The following CTDSPL2 variants were observed in gnomAD, a reference collection of about 807,000 sequenced individuals.
CTDSPL2 encodes the protein CTD small phosphatase like 2, also known as CTD small phosphatase-like protein 2.
CTDSPL2 carries 5 observed loss-of-function variants against 60.0 expected under a neutral mutation model. The observed-to-expected ratio is 0.08, with a 90% confidence interval of 0.04 to 0.18. The LOEUF is 0.18. Among genes scored for constraint, CTDSPL2 ranks in the 10% least tolerant of loss-of-function variants. The pLI is 1.00. For synonymous variants in CTDSPL2, 186 were observed against 189.3 expected (o/e 0.98, Z 0.14); for missense variants, 370 against 548.8 (o/e 0.67, Z 3.26).
chr15:44,472,826 A>G (rs1230964371), intron 2 of CTDSPL2, among the ~76,000 whole-genome samples: 2 of 152,202 alleles, frequency 1.3e-5, no homozygotes, highest in African/African-American at 4.8e-5. Flanking sequence ...ACCAAGTCCA[A>G]CTAATTTTTT....
intron 1 of CTDSPL2, among the ~76,000 whole-genome samples, chr15:44,431,716 G>GTTT (rs886785067): frequency 3.0e-5 from 4 of 133,660 alleles, no homozygotes; most frequent in Admixed American, 2.2e-4. Context: ...TTGTTTGTTT[G>GTTT]TTTTTTTTTT....
chr15:44,514,154 T>G (rs1368491171), intron 8 of CTDSPL2, among the ~76,000 whole-genome samples: 1 of 152,196 alleles, frequency 6.6e-6, no homozygotes, highest in Non-Finnish European at 1.5e-5. Flanking sequence ...ATAGAGATAT[T>G]TTTAGCAGGT....
intron 1 of CTDSPL2, chr15:44,449,075 T>C: frequency 3.1e-6 from 1 of 323,230 alleles, no homozygotes; most frequent in South Asian, 3.1e-5. Context: ...TTCCAAGTCT[T>C]TCTGTCTGTA....
At chr15:44,472,060 G>T (rs1011544378) in intron 2 of CTDSPL2, among the ~76,000 whole-genome samples, 1 of 150,794 alleles carries the variant, frequency 6.6e-6, no homozygotes, top group Admixed American at 6.6e-5. Flanking sequence ...GTAATATTCT[G>T]TTGTATGGAT....
In CTDSPL2 at chr15:44,490,785, A is replaced by T. The variant is rs934826593; in HGVS notation, c.477A>T (p.Gly159=). Residue 159 remains glycine (G), a splice_region_variant and synonymous_variant, in exon 5 of 13, where the codon GGA becomes GGT. Coordinates refer to ENST00000260327, the MANE Select transcript of CTDSPL2 (RefSeq NM_016396.3). The stretch of plus-strand genomic sequence containing the variant: ...TAGTACACTGAATCATGATTTCAGG[A>T]ACGTCAGGATCAGATTCTCCAGGAC... ...FNFFSPANKN[G]TSGSDSPGQA... The T allele has an allele frequency of 6.2e-7, 1 of 1,611,762 alleles. No individual in the cohort carries two copies. Among genetic ancestry groups the T allele is most frequent in the African/African-American group, 1.3e-5 (1 of 74,872 alleles).
chr15:44,515,869 A>G (rs1207246272), intron 10 of CTDSPL2, among the ~76,000 whole-genome samples: 2 of 151,842 alleles, frequency 1.3e-5, no homozygotes, highest in Non-Finnish European at 2.9e-5. Flanking sequence ...GCAAAACTCC[A>G]TCTCAAAAAA....
At chr15:44,475,530 T>G (rs1214381379) in intron 2 of CTDSPL2, among the ~76,000 whole-genome samples, 2 of 151,658 alleles carry the variant, frequency 1.3e-5, no homozygotes, top group African/African-American at 4.8e-5. Context: ...TCCCAGCTAC[T>G]CGGGAGGCTG....
chr15:44,470,170 T>G, intron 2 of CTDSPL2, among the ~76,000 whole-genome samples: 1 of 151,870 alleles, frequency 6.6e-6, no homozygotes, highest in Non-Finnish European at 1.5e-5. Flanking sequence ...CTTGTTTTAT[T>G]GGTTATTAAG....
chr15:44,469,039 C>G (rs918103790), intron 2 of CTDSPL2, among the ~76,000 whole-genome samples: 2 of 152,180 alleles, frequency 1.3e-5, no homozygotes, highest in Middle Eastern at 3.4e-3. Context: ...AATAATGGCC[C>G]CAGAGTACAA....
At chr15:44,429,547 C>A (rs1332772847) in intron 1 of CTDSPL2, among the ~76,000 whole-genome samples, 1 of 152,210 alleles carries the variant, frequency 6.6e-6, no homozygotes, top group African/African-American at 2.4e-5. Context: ...TACTTGCACT[C>A]TTTTAATGCT....
intron 2 of CTDSPL2, among the ~76,000 whole-genome samples, chr15:44,476,620 C>G (rs1011974256): frequency 1.3e-5 from 2 of 152,044 alleles, no homozygotes; most frequent in Admixed American, 1.3e-4. Flanking sequence ...TGTTTAGGTA[C>G]ATGAGTACTT....
chr15:44,486,722 T>G (rs769031696), intron 4 of CTDSPL2, 22 bp downstream of exon 4: 12 of 1,459,318 alleles, frequency 8.2e-6, no homozygotes, highest in South Asian at 1.4e-5. Flanking sequence ...CTGTTAACTG[T>G]GATTTGGATT....
chr15:44,475,930 T>G (rs1050628218), intron 2 of CTDSPL2, among the ~76,000 whole-genome samples: 1 of 152,216 alleles, frequency 6.6e-6, no homozygotes, highest in Non-Finnish European at 1.5e-5. Flanking sequence ...GTCTCTGGAA[T>G]AGATTTACTG....
intron 1 of CTDSPL2, among the ~76,000 whole-genome samples, chr15:44,456,221 C>T (rs143372114): frequency 0.03 from 4,603 of 152,120 alleles, 248 homozygotes; most frequent in African/African-American, 0.11. Flanking sequence ...GTTGTGTCTC[C>T]GCCAGGCTTT....
At chr15:44,489,138 TC>T (rs948019917) in intron 4 of CTDSPL2, among the ~76,000 whole-genome samples, 1 of 73,310 alleles carries the variant, frequency 1.4e-5, no homozygotes. Flanking sequence ...TCTTCCCCCC[TC>T]CCCCCCACCT....
intron 1 of CTDSPL2, among the ~76,000 whole-genome samples, chr15:44,439,159 A>T (rs140316647): frequency 0.02 from 2,974 of 150,274 alleles, 103 homozygotes; most frequent in East Asian, 0.13. Flanking sequence ...TTATTTATTT[A>T]TTTTTTTAAG....
At chr15:44,504,807 A>G (rs1331870607) in intron 8 of CTDSPL2, among the ~76,000 whole-genome samples, 2 of 152,146 alleles carry the variant, frequency 1.3e-5, no homozygotes, top group Non-Finnish European at 2.9e-5. Flanking sequence ...AGGCTGAGAA[A>G]TCAGACAACC....
chr15:44,525,952 AAAT>A lies in CTDSPL2; in HGVS notation c.*1782_*1784del, dbSNP rs1424081948. On this transcript the variant is annotated 3_prime_UTR_variant, in exon 13 of 13. Coordinates refer to ENST00000260327, the MANE Select transcript of CTDSPL2 (RefSeq NM_016396.3). ...TGTGGAAAATCCTTATTCATTAAAA[AAAT>A]AATCATGGCAGATTTTCTGCAAAAA... 6.5e-6 allele frequency: 1 copy of A among 152,972 alleles called. No individual in the cohort carries two copies. The highest frequency in any genetic ancestry group is 1.9e-4 in the East Asian group (1 of 5,192). 9.5% of individuals were successfully genotyped at this position (152,972 alleles called of 1,614,324 possible). A position where few individuals can be genotyped will look rare whatever the true frequency, so the allele number is the denominator to read the frequency against.
intron 8 of CTDSPL2, among the ~76,000 whole-genome samples, chr15:44,501,496 CTTA>C (rs1415882813): frequency 6.6e-6 from 1 of 151,830 alleles, no homozygotes; most frequent in Non-Finnish European, 1.5e-5. Context: ...TTTTAAAGTT[CTTA>C]TTATTTCATG....
Sources: gnomAD v4.1 joint callset for allele counts (sites outside exome capture counted in the v4.1 genomes callset) on GRCh38, gnomAD v4.1.1 for gene constraint, MANE v1.5 for transcripts, NCBI Gene and HGNC (gene_info 2026-07-23, HGNC 2026-07-21) for gene names.